AQP1: variants seen among roughly 807,000 people sequenced by gnomAD.
AQP1 encodes the protein aquaporin-1.
In AQP1, 11 loss-of-function variants were observed where a neutral mutation model predicts 19.7. The ratio of observed to expected loss-of-function variants is 0.56; its 90% confidence interval spans 0.35 to 0.92. The LOEUF is 0.92. AQP1 is among the 40% of genes least tolerant of loss of function. The probability of loss-of-function intolerance (pLI) is 0.01; values close to 1 mark genes in which losing one functional copy is unlikely to be tolerated. For missense variants in AQP1, 320 were observed against 369.7 expected, an observed-to-expected ratio of 0.87 and a Z score of 1.10; for synonymous variants, 159 against 166.7, an observed-to-expected ratio of 0.95 and a Z score of 0.36.
chr7:30,921,505 A>G, intron 1 of AQP1: 1 of 1,501,654 alleles, frequency 6.7e-7, no homozygotes, highest in Non-Finnish European at 8.9e-7. Context: ...GGTGGAGACA[A>G]TAGGGAGGCA....
rs778142634 is a variant in AQP1, at chr7:30,923,988, A to T, written c.*359A>T. Reference sequence around the variant, plus strand: ...AGTTGCTCACCGACTCACCTGCGCAAGTGCCTGGGATTCTACCGTAATTGC... The same window carrying T: ...AGTTGCTCACCGACTCACCTGCGCATGTGCCTGGGATTCTACCGTAATTGC... On this transcript the variant is annotated 3_prime_UTR_variant, in exon 4 of 4. Coordinates refer to ENST00000311813, the MANE Select transcript of AQP1 (RefSeq NM_198098.4). This position sits in a 1 kb window ranked among gnomAD's most constrained non-coding sequence, Gnocchi z 4.8. 1 of 1,377,848 alleles carries T rather than the reference A, an allele frequency of 7.3e-7. No individual in the cohort carries two copies. The highest frequency in any genetic ancestry group is 1.5e-5 in the African/African-American group (1 of 68,632). 85.4% of individuals were successfully genotyped at this position (1,377,848 alleles called of 1,614,324 possible).
intron 1 of AQP1, among the ~76,000 whole-genome samples, chr7:30,917,974 A>AT (rs1791399756): frequency 6.7e-6 from 1 of 150,302 alleles, no homozygotes. Flanking sequence ...CAAGTGGGGG[A>AT]TTTTTGCAGT....
Position 30,923,596 on chromosome 7 carries a change from C to A in AQP1, c.777C>A (p.Asp259Glu). 1 of 1,585,034 alleles carries A rather than the reference C, an allele frequency of 6.3e-7. No individual in the cohort carries two copies. Among genetic ancestry groups the A allele is most frequent in the Non-Finnish European group, 8.6e-7 (1 of 1,161,196 alleles). The change falls in exon 4 of 4, where the codon GAC becomes GAA. Residue 259 changes from aspartate (D) to glutamate (E), a missense_variant. By Grantham distance (45) the Asp-to-Glu change is conservative (BLOSUM62 2). Transcript: ENST00000311813. The surrounding 1 kb of genome is among the most constrained non-coding windows in gnomAD (Gnocchi z 4.8). ...QVEEYDLDAD[D>E]INSRVEMKPK ...AGGAGTATGACCTGGATGCCGACGA[C>A]ATCAACTCCAGGGTGGAGATGAAGC...
At position 30,925,450 on chromosome 7, in the gene AQP1, A is replaced by G. The variant is rs1193351736; in HGVS notation, c.*1821A>G. The G allele has an allele frequency of 2.0e-5, 3 of 152,262 alleles. No homozygotes were observed. The highest frequency in any genetic ancestry group is 2.0e-4 in the Admixed American group (3 of 15,292). 9.4% of individuals were successfully genotyped at this position (152,262 alleles called of 1,614,324 possible). ...GGCCCTGCATCTGTCTGCTCTGCAT[A>G]TATGTCTCTTTGGAGTTGGAATTTC... is the stretch of plus-strand genomic sequence containing the variant. On this transcript the variant is annotated 3_prime_UTR_variant, in exon 4 of 4. Transcript: ENST00000311813.
chr7:30,921,879 G>A (rs1283896257), intron 1 of AQP1, 187 bp from the exon 2 acceptor site: 1 of 1,533,426 alleles, frequency 6.5e-7, no homozygotes, highest in Non-Finnish European at 8.8e-7. Context: ...CACAGGGGGT[G>A]GGTTCAAGGC....
At position 30,922,198 on chromosome 7, in the gene AQP1, G is replaced by A. The variant is rs766229713; in HGVS notation, c.517G>A (p.Gly173Ser). The change falls in exon 2 of 4, where the codon GGC (glycine) becomes AGC (serine). Residue 173 changes from glycine to serine, a missense_variant. Transcript: ENST00000311813. ...DLGGSAPLAI[G>S]LSVALGHLLA... ...TGGTGGCTCAGCCCCCCTTGCCATCGGCCTCTCTGTAGCCCTTGGACACCT... is the reference window on the plus strand; with the variant it reads ...TGGTGGCTCAGCCCCCCTTGCCATCAGCCTCTCTGTAGCCCTTGGACACCT... 3 of 1,610,632 alleles carry A rather than the reference G, an allele frequency of 1.9e-6. No individual in the cohort carries two copies. In the East Asian group the frequency reaches 6.7e-5, roughly 36 times the overall value.
rs1195935592 is a variant in AQP1, at chr7:30,912,750, G to T, written c.384+457G>T. 1.3e-5 allele frequency among the ~76,000 whole-genome samples: 2 copies of T among 152,190 alleles called. No homozygotes were observed. Among genetic ancestry groups the T allele is most frequent in the Non-Finnish European group, 2.9e-5 (2 of 68,038 alleles). ...GCTGGCTCTGCAAGTGTGTGAGCAG[G>T]ACTCCCTCAGGGAGCCCCCCATATT... On this transcript the variant is annotated intron_variant, in intron 1 of 3. Coordinates refer to ENST00000311813, the MANE Select transcript of AQP1 (RefSeq NM_198098.4). The surrounding 1 kb of genome is among the most constrained non-coding windows in gnomAD (Gnocchi z 4.3).
rs576146842 is a variant in AQP1 at position 30,916,672 on chromosome 7, G to A, written c.384+4379G>A. ...GAAATCTCCAACTTAAAAGATATCC[G>A]GAAAGGCCGGAAAATGCCCCCGGCC... On this transcript the variant is annotated intron_variant, in intron 1 of 3. Transcript: ENST00000311813. Among the ~76,000 whole-genome samples the A allele has an allele frequency of 2.1e-3, 327 of 152,318 alleles. 5 individuals are homozygous for A. The highest frequency in any genetic ancestry group is 7.4e-3 in the African/African-American group (307 of 41,576).
intron 1 of AQP1, among the ~76,000 whole-genome samples, chr7:30,917,234 C>G (rs1016135482): frequency 6.6e-6 from 1 of 152,180 alleles, no homozygotes. Context: ...CACATGTGCT[C>G]TTACGTGGAG....
intron 1 of AQP1, among the ~76,000 whole-genome samples, chr7:30,919,516 A>G (rs1456760282): frequency 6.6e-6 from 1 of 151,586 alleles, no homozygotes; most frequent in African/African-American, 2.4e-5. Context: ...AAGCGGGAAG[A>G]CAATTGAGAA....
chr7:30,924,009 A>G lies in AQP1; in HGVS notation c.*380A>G. The stretch of plus-strand genomic sequence containing the variant: ...CGCAAGTGCCTGGGATTCTACCGTA[A>G]TTGCTTTGTGCCTTTGGGCACGGCC... On this transcript the variant is annotated 3_prime_UTR_variant, in exon 4 of 4. Transcript: ENST00000311813. 7.4e-7 allele frequency: 1 copy of G among 1,353,110 alleles called. No individual in the cohort carries two copies. The highest frequency in any genetic ancestry group is 1.5e-5 in the African/African-American group (1 of 67,950). 83.8% of individuals were successfully genotyped at this position (1,353,110 alleles called of 1,614,324 possible). A position where few individuals can be genotyped will look rare whatever the true frequency, so the allele number is the denominator to read the frequency against.
chr7:30,922,379 G>C lies in AQP1; in HGVS notation c.549+149G>C, dbSNP rs28362733. The C allele has an allele frequency of 7.9e-3, 10,874 of 1,370,464 alleles. 646 individuals are homozygous for C. The African/African-American group carries it at 0.13, about 17-fold the overall frequency. 84.9% of individuals were successfully genotyped at this position (1,370,464 alleles called of 1,614,324 possible). A position where few individuals can be genotyped will look rare whatever the true frequency, so the allele number is the denominator to read the frequency against. ...GTCAGCGCTGGGGGCTGGGGGCAGG[G>C]TCCTGCCCTGGAGAGGAGCACAGGG... On this transcript the variant is annotated intron_variant, in intron 2 of 3. Coordinates refer to ENST00000311813, the MANE Select transcript of AQP1 (RefSeq NM_198098.4).
intron 1 of AQP1, among the ~76,000 whole-genome samples, chr7:30,919,482 C>G (rs1331966825): frequency 2.6e-5 from 4 of 151,468 alleles, no homozygotes; most frequent in African/African-American, 9.7e-5. Context: ...TACTTGCATT[C>G]ACAAAACCCA....
intron 1 of AQP1, among the ~76,000 whole-genome samples, chr7:30,918,290 C>A (rs973650528): frequency 6.6e-6 from 1 of 152,186 alleles, no homozygotes; most frequent in Non-Finnish European, 1.5e-5. Context: ...CCGCGCCTGG[C>A]CAGTTCTTTT....
rs1215603718 is a variant in AQP1 at position 30,922,217 on chromosome 7, G to A, written c.536G>A (p.Gly179Glu). ...GCCATCGGCCTCTCTGTAGCCCTTGGACACCTCCTGGCTGTGAGTCAGGGG... is the reference window on the plus strand; with the variant it reads ...GCCATCGGCCTCTCTGTAGCCCTTGAACACCTCCTGGCTGTGAGTCAGGGG... The part of the protein sequence containing the change: ...PLAIGLSVAL[G>E]HLLAIDYTGC... The change falls in exon 2 of 4, where the codon GGA becomes GAA. Residue 179 changes from glycine to glutamate, a missense_variant. By Grantham distance (98) the Gly-to-Glu change is moderately conservative (BLOSUM62 -2). Coordinates refer to ENST00000311813, the MANE Select transcript of AQP1 (RefSeq NM_198098.4). 1 of 1,598,932 alleles carries A rather than the reference G, an allele frequency of 6.3e-7. No individual in the cohort carries two copies. Among genetic ancestry groups the A allele is most frequent in the Non-Finnish European group, 8.5e-7 (1 of 1,176,776 alleles).
At chr7:30,922,471 T>G in intron 2 of AQP1, 93 bp from the exon 3 acceptor site, 1 of 1,382,236 alleles carries the variant, frequency 7.2e-7, no homozygotes. Context: ...ACCCTGATTG[T>G]TCTCTTTCTC....
At position 30,911,868 on chromosome 7, in the gene AQP1, T is replaced by C. The variant is rs974566193; in HGVS notation, c.-42T>C. Reference sequence around the variant, plus strand: ...GCTGTGGCTCAGCTCTCAGAGGGAATTGAGCACCCGGCAGCGGTCTCAGGC... The same window carrying C: ...GCTGTGGCTCAGCTCTCAGAGGGAACTGAGCACCCGGCAGCGGTCTCAGGC... On this transcript the variant is annotated 5_prime_UTR_variant, in exon 1 of 4. Coordinates refer to ENST00000311813, the MANE Select transcript of AQP1 (RefSeq NM_198098.4). 6.2e-7 allele frequency: 1 copy of C among 1,611,242 alleles called. No homozygotes were observed. The highest frequency in any genetic ancestry group is 8.5e-7 in the Non-Finnish European group (1 of 1,179,824).
In AQP1 at chr7:30,912,934, G is replaced by A. The variant is rs527999301; in HGVS notation, c.384+641G>A. Among the ~76,000 whole-genome samples the A allele has an allele frequency of 2.6e-5, 4 of 152,126 alleles. No individual in the cohort carries two copies. The highest frequency in any genetic ancestry group is 6.5e-5 in the Admixed American group (1 of 15,272). Reference sequence around the variant, plus strand: ...TTACAGTATGGGCTGGGGGGCAAGCGCTGGGCTCCATGGTCTCTAGGCACT... The same window carrying A: ...TTACAGTATGGGCTGGGGGGCAAGCACTGGGCTCCATGGTCTCTAGGCACT... On this transcript the variant is annotated intron_variant, in intron 1 of 3. Coordinates refer to ENST00000311813, the MANE Select transcript of AQP1 (RefSeq NM_198098.4). This position sits in a 1 kb window ranked among gnomAD's most constrained non-coding sequence, Gnocchi z 4.3.
chr7:30,920,309 C>T (rs1457082092), intron 1 of AQP1, among the ~76,000 whole-genome samples: 1 of 152,176 alleles, frequency 6.6e-6, no homozygotes, highest in Non-Finnish European at 1.5e-5. Context: ...TTCCTGAGGG[C>T]TCAGATACAG....
Sources: gnomAD v4.1 joint callset for allele counts (sites outside exome capture counted in the v4.1 genomes callset) on GRCh38, gnomAD v4.1.1 for gene constraint, Gnocchi (gnomAD v3.1) non-coding constraint, MANE v1.5 for transcripts, NCBI Gene and HGNC (gene_info 2026-07-23, HGNC 2026-07-21) for gene names.